TANC2: variants seen among roughly 807,000 people sequenced by gnomAD.
The protein encoded by TANC2 is tetratricopeptide repeat, ankyrin repeat and coiled-coil containing 2, also known as protein TANC2.
A neutral mutation model predicts 210.5 loss-of-function variants in TANC2; 26 were observed. The ratio of observed to expected loss-of-function variants is 0.12; its 90% CI spans 0.09 to 0.17. The LOEUF is 0.17. Among genes scored for constraint, TANC2 ranks in the 10% least tolerant of loss-of-function variants. TANC2 has a pLI of 1.00. For missense variants in TANC2, 2,129 were observed against 2,608.9 expected (o/e 0.82, Z 4.01); for synonymous variants, 931 against 967.1 (o/e 0.96, Z 0.69).
chr17:63,105,215 C>T (rs889071851), intron 4 of TANC2, among the ~76,000 whole-genome samples: 9 of 151,704 alleles, frequency 5.9e-5, no homozygotes, highest in Admixed American at 3.3e-4. Context: ...AAAAAATGGC[C>T]TGATTTTCAA....
chr17:63,273,026 TC>T (rs1197445064), intron 9 of TANC2, among the ~76,000 whole-genome samples: 1 of 152,112 alleles, frequency 6.6e-6, no homozygotes, highest in African/African-American at 2.4e-5. Context: ...GTCCCTGTAA[TC>T]CCAGCACCTT....
intron 4 of TANC2, among the ~76,000 whole-genome samples, chr17:63,112,543 A>C (rs2038091369): frequency 6.6e-6 from 1 of 152,224 alleles, no homozygotes; most frequent in Non-Finnish European, 1.5e-5. Flanking sequence ...ATAGGGTCAC[A>C]CTGGTCAAGA....
intron 4 of TANC2, among the ~76,000 whole-genome samples, 195 bp downstream of exon 4, chr17:63,099,552 G>T (rs2037545149): frequency 6.6e-6 from 1 of 151,844 alleles, no homozygotes; most frequent in Non-Finnish European, 1.5e-5. Flanking sequence ...CAGTTTGACA[G>T]ATTGATGTAT....
intron 1 of TANC2, among the ~76,000 whole-genome samples, chr17:62,981,681 T>C (rs1288087068): frequency 1.3e-5 from 2 of 152,200 alleles, no homozygotes; most frequent in Non-Finnish European, 2.9e-5. Flanking sequence ...GTAAGACTAC[T>C]CTTCAAACAC....
Position 63,418,208 on chromosome 17 carries a change from A to C in TANC2, c.4168-99A>C. The C allele has an allele frequency of 7.8e-7, 1 of 1,279,966 alleles. No homozygotes were observed. Among genetic ancestry groups the C allele is most frequent in the East Asian group, 2.5e-5 (1 of 39,508 alleles). The allele number at this position is 1,279,966 out of a possible 1,614,324, so 79.3% of individuals were successfully genotyped here. A position where few individuals can be genotyped will look rare whatever the true frequency, so the allele number is the denominator to read the frequency against. On this transcript the variant is annotated intron_variant, in intron 26 of 27. Coordinates refer to ENST00000689528, the Ensembl canonical transcript of TANC2. The surrounding 1 kb of genome is among the most constrained non-coding windows in gnomAD (Gnocchi z 4.6). ...GTCTAGCGTCCCAGGCGTTCCATCCATGAATGTCAAAAAATGTACAAATAA... is the reference window on the plus strand; with the variant it reads ...GTCTAGCGTCCCAGGCGTTCCATCCCTGAATGTCAAAAAATGTACAAATAA...
chr17:63,182,749 A>C (rs1314093293), intron 5 of TANC2: 2 of 153,358 alleles, frequency 1.3e-5, no homozygotes, highest in African/African-American at 4.8e-5. Context: ...ATTTGTATCA[A>C]CTTATACCTA....
At chr17:63,187,176 A>C (rs747798348) in intron 5 of TANC2, among the ~76,000 whole-genome samples, 5 of 152,200 alleles carry the variant, frequency 3.3e-5, no homozygotes, top group Non-Finnish European at 7.3e-5. Flanking sequence ...GCCTGGCAAT[A>C]TGGTGAGAGA....
At chr17:63,171,773 A>G (rs2040413278) in intron 5 of TANC2, among the ~76,000 whole-genome samples, 1 of 152,236 alleles carries the variant, frequency 6.6e-6, no homozygotes, top group South Asian at 2.1e-4. Context: ...TACTATATCT[A>G]CATATTAAAG....
At chr17:63,370,738 A>G (rs1378769507) in intron 14 of TANC2, among the ~76,000 whole-genome samples, 6 of 152,182 alleles carry the variant, frequency 3.9e-5, no homozygotes, top group Admixed American at 1.3e-4. Flanking sequence ...TCTTTCACAC[A>G]CTGCTTCCCA....
rs530491974 is a variant in TANC2, at chr17:63,380,883, A to G, written c.2691+1057A>G. ...TATTTGAATCTTACTTGTCTTGTCT[A>G]ACAAATCACTGTACCAAAAATGACC... is the stretch of plus-strand genomic sequence containing the variant. On this transcript the variant is annotated intron_variant, in intron 15 of 27. Transcript: ENST00000689528. 7.2e-5 allele frequency among the ~76,000 whole-genome samples: 11 copies of G among 152,310 alleles called. No homozygotes were observed. In the South Asian group the frequency reaches 2.1e-3, roughly 29 times the overall value.
rs181403915 is a variant in TANC2 at position 63,177,506 on chromosome 17, G to A, written c.434-16485G>A. 2.0e-5 allele frequency among the ~76,000 whole-genome samples: 3 copies of A among 152,066 alleles called. No individual in the cohort carries two copies. In the East Asian group the frequency reaches 5.8e-4, roughly 29 times the overall value. On this transcript the variant is annotated intron_variant, in intron 5 of 27. Coordinates refer to ENST00000689528, the Ensembl canonical transcript of TANC2. ...AGCCACTAGAATTTTATCGTAGTCT[G>A]CTAATTAAGTTATGGTTGTATTTGA... is the stretch of plus-strand genomic sequence containing the variant.
intron 2 of TANC2, among the ~76,000 whole-genome samples, chr17:63,025,732 G>T (rs2034521282): frequency 6.6e-6 from 1 of 151,604 alleles, no homozygotes; most frequent in Non-Finnish European, 1.5e-5. Flanking sequence ...GGAGGTTGAG[G>T]CTGCAGTGAG....
intron 12 of TANC2, among the ~76,000 whole-genome samples, chr17:63,345,853 A>G (rs1598905349): frequency 6.6e-6 from 1 of 152,200 alleles, no homozygotes; most frequent in Non-Finnish European, 1.5e-5. Context: ...TTTGATGCTT[A>G]AAAGTTTAGC....
At chr17:63,378,842 G>C (rs1402615070) in intron 14 of TANC2, among the ~76,000 whole-genome samples, 1 of 152,190 alleles carries the variant, frequency 6.6e-6, no homozygotes, top group African/African-American at 2.4e-5. Context: ...GCTTGGTAGA[G>C]GCTGATCAGA....
chr17:63,159,499 A>G (rs2039951250), intron 5 of TANC2, among the ~76,000 whole-genome samples: 1 of 152,094 alleles, frequency 6.6e-6, no homozygotes, highest in South Asian at 2.1e-4. Flanking sequence ...AATATAGCCT[A>G]GCAATCTTTT....
At chr17:63,098,180 T>C (rs1326335889) in intron 3 of TANC2, among the ~76,000 whole-genome samples, 1 of 152,146 alleles carries the variant, frequency 6.6e-6, no homozygotes, top group Non-Finnish European at 1.5e-5. Flanking sequence ...TGATCAATTA[T>C]ATAAATAATT....
At chr17:63,281,639 T>C (rs1296527324) in intron 9 of TANC2, among the ~76,000 whole-genome samples, 1 of 152,098 alleles carries the variant, frequency 6.6e-6, no homozygotes, top group East Asian at 1.9e-4. Flanking sequence ...AAACCCAGTG[T>C]AATTGAATAA....
At chr17:63,110,789 G>T (rs1255112906) in intron 4 of TANC2, among the ~76,000 whole-genome samples, 1 of 152,154 alleles carries the variant, frequency 6.6e-6, no homozygotes, top group Admixed American at 6.5e-5. Context: ...TGGAGGACAC[G>T]TTCAAACCAT....
intron 2 of TANC2, among the ~76,000 whole-genome samples, chr17:63,019,118 C>T (rs1439021630): frequency 6.6e-6 from 1 of 152,118 alleles, no homozygotes; most frequent in Non-Finnish European, 1.5e-5. Flanking sequence ...AAGGAAGTGC[C>T]AACTCTTCCA....
Sources: gnomAD v4.1 joint callset for allele counts (sites outside exome capture counted in the v4.1 genomes callset) on GRCh38, gnomAD v4.1.1 for gene constraint, Gnocchi (gnomAD v3.1) non-coding constraint, MANE v1.5 for transcripts, NCBI Gene and HGNC (gene_info 2026-07-23, HGNC 2026-07-21) for gene names.